SAMD12: variants seen among roughly 807,000 people sequenced by gnomAD.
SAMD12 encodes sterile alpha motif domain-containing protein 12.
In SAMD12, 9 loss-of-function variants were observed where a neutral mutation model predicts 15.0. The ratio of observed to expected loss-of-function variants is 0.60; its 90% CI spans 0.36 to 1.05. SAMD12 has a LOEUF of 1.05. Ranked by LOEUF, SAMD12 falls within the 50% of genes least tolerant of loss-of-function variation. The pLI is 0.01. For synonymous variants in SAMD12, 86 were observed against 90.1 expected (o/e 0.96, Z 0.25); for missense variants, 230 against 234.2 (o/e 0.98, Z 0.12).
chr8:118,319,465 G>C (rs1033191474), intron 4 of SAMD12, among the ~76,000 whole-genome samples: 2 of 152,182 alleles, frequency 1.3e-5, no homozygotes, highest in Non-Finnish European at 2.9e-5. Context: ...CTGAGAAGGA[G>C]AGGAAACCAC....
chr8:118,389,300 T>A (rs1288912511), intron 3 of SAMD12, among the ~76,000 whole-genome samples: 1 of 152,242 alleles, frequency 6.6e-6, no homozygotes, highest in Non-Finnish European at 1.5e-5. Context: ...GGCAACCTCC[T>A]TATAAAATTA....
chr8:118,610,952 G>A (rs1247881678), intron 1 of SAMD12, among the ~76,000 whole-genome samples: 3 of 152,160 alleles, frequency 2.0e-5, no homozygotes, highest in East Asian at 3.9e-4. Context: ...GAATCAGGAT[G>A]CATGTTAGAT....
chr8:118,489,671 G>T (rs1824385419), intron 2 of SAMD12, among the ~76,000 whole-genome samples: 1 of 152,156 alleles, frequency 6.6e-6, no homozygotes, highest in Non-Finnish European at 1.5e-5. Flanking sequence ...TACTGTTCAT[G>T]TGATGGATTT....
At chr8:118,517,252 ATT>A (rs749997317) in intron 2 of SAMD12, among the ~76,000 whole-genome samples, 3 of 152,198 alleles carry the variant, frequency 2.0e-5, no homozygotes, top group Non-Finnish European at 4.4e-5. Context: ...AACTGAAACC[ATT>A]TTGGGTACAG....
intron 2 of SAMD12, among the ~76,000 whole-genome samples, chr8:118,505,104 A>G (rs1400803549): frequency 6.6e-6 from 1 of 152,238 alleles, no homozygotes; most frequent in Non-Finnish European, 1.5e-5. Context: ...AAACTTATAC[A>G]AAGGCATACA....
At chr8:118,278,133 C>T (rs1813515596) in intron 4 of SAMD12, among the ~76,000 whole-genome samples, 1 of 152,166 alleles carries the variant, frequency 6.6e-6, no homozygotes, top group Admixed American at 6.5e-5. Context: ...GTCATTTTTA[C>T]TTTTGACCAA....
At chr8:118,370,303 T>G (rs1334386499) in intron 4 of SAMD12, among the ~76,000 whole-genome samples, 1 of 152,140 alleles carries the variant, frequency 6.6e-6, no homozygotes, top group South Asian at 2.1e-4. Flanking sequence ...GGTGAGGTTG[T>G]GGAGAGACAG....
At chr8:118,493,092 C>T (rs1824497541) in intron 2 of SAMD12, among the ~76,000 whole-genome samples, 1 of 152,168 alleles carries the variant, frequency 6.6e-6, no homozygotes, top group East Asian at 1.9e-4. Flanking sequence ...GAAGTCAATA[C>T]AATTAATGTT....
At chr8:118,175,034 C>CAAAAAAAAAAAAAAAAAAAAAA in the SAMD12 span, among the ~76,000 whole-genome samples, 1 of 78,806 alleles carries the variant, frequency 1.3e-5, no homozygotes, top group African/African-American at 3.7e-5. Context: ...CAAAAAAAAA[C>CAAAAAAAAAAAAAAAAAAAAAA]AAAAAAAAAA....
rs1821044572 is a variant in SAMD12 at position 118,404,774 on chromosome 8, T to A, written c.323-25074A>T. 2.0e-5 allele frequency among the ~76,000 whole-genome samples: 3 copies of A among 152,250 alleles called. No homozygotes were observed. The South Asian group carries it at 6.2e-4, about 32-fold the overall frequency. ...CATCTGGGGATTTTACTTAGAGAAA[T>A]ATCAGCTCTACAAGTCCATTACTTT... On this transcript the variant is annotated intron_variant, in intron 3 of 3. Transcript: ENST00000314727.
intron 2 of SAMD12, among the ~76,000 whole-genome samples, chr8:118,569,841 T>C (rs1381813051): frequency 6.6e-6 from 1 of 152,230 alleles, no homozygotes; most frequent in African/African-American, 2.4e-5. Context: ...AGTAATTTGT[T>C]ACAGCAGCTG....
chr8:118,604,073 A>C (rs1827931057), intron 1 of SAMD12, among the ~76,000 whole-genome samples: 1 of 152,206 alleles, frequency 6.6e-6, no homozygotes, highest in Non-Finnish European at 1.5e-5. Flanking sequence ...TTTAGCCACT[A>C]TTCTAACAAT....
chr8:118,411,692 T>C (rs961458112), intron 3 of SAMD12, among the ~76,000 whole-genome samples: 4 of 152,064 alleles, frequency 2.6e-5, no homozygotes, highest in African/African-American at 4.8e-5. Flanking sequence ...TCCACTAAGT[T>C]TTAAAGAGAA....
intron 2 of SAMD12, among the ~76,000 whole-genome samples, chr8:118,460,801 G>A (rs994059527): frequency 1.3e-5 from 2 of 152,130 alleles, no homozygotes; most frequent in African/African-American, 4.8e-5. Context: ...ACACACACAG[G>A]TGTTCTCTCA....
chr8:118,209,835 C>T (rs1286697667), intron 4 of SAMD12, among the ~76,000 whole-genome samples: 1 of 152,204 alleles, frequency 6.6e-6, no homozygotes, highest in Non-Finnish European at 1.5e-5. Context: ...TTTACCTTGA[C>T]ATACTGTATC....
In SAMD12 at chr8:118,296,756, T is replaced by C. The variant is rs368997841; in HGVS notation, c.433+82804A>G. Among the ~76,000 whole-genome samples the C allele has an allele frequency of 3.6e-4, 55 of 152,356 alleles. No homozygotes were observed. In the South Asian group the frequency reaches 9.1e-3, roughly 25 times the overall value. ...ATGCATTTGCCATCTTGTGTTATCCTACAAAATAAGGCAAACTAAGCTCTG... is the reference window on the plus strand; with the variant it reads ...ATGCATTTGCCATCTTGTGTTATCCCACAAAATAAGGCAAACTAAGCTCTG... On this transcript the variant is annotated intron_variant, in intron 4 of 4. Transcript: ENST00000409003.
chr8:118,412,771 G>A (rs1821475991), intron 3 of SAMD12, among the ~76,000 whole-genome samples: 1 of 152,074 alleles, frequency 6.6e-6, no homozygotes, highest in South Asian at 2.1e-4. Context: ...ACAGAATGTA[G>A]GAAATATAAT....
chr8:118,604,643 C>T (rs934049339), intron 1 of SAMD12, among the ~76,000 whole-genome samples: 4 of 152,120 alleles, frequency 2.6e-5, no homozygotes, highest in Admixed American at 6.5e-5. Flanking sequence ...AAATGTCTGC[C>T]GGGCGCGGTG....
chr8:118,279,051 C>T (rs1586414093), intron 4 of SAMD12, among the ~76,000 whole-genome samples: 6 of 152,124 alleles, frequency 3.9e-5, no homozygotes, highest in Admixed American at 3.9e-4. Flanking sequence ...ATAATCTGGG[C>T]ATTCAGGAAA....
Sources: allele counts gnomAD v4.1 joint callset (sites outside exome capture counted in the v4.1 genomes callset), GRCh38; gene constraint gnomAD v4.1.1; transcripts MANE v1.5; gene names NCBI Gene and HGNC (gene_info 2026-07-23, HGNC 2026-07-21).